Variants in CNTN5 observed in about 807,000 individuals in gnomAD.
The protein encoded by CNTN5 is contactin 5.
In CNTN5, 77 loss-of-function variants were observed where a neutral mutation model predicts 129.1. That is an observed-to-expected ratio of 0.60 (90% CI 0.50 to 0.72). CNTN5 has a LOEUF of 0.72. CNTN5 is among the 30% of genes least tolerant of loss of function. The pLI, the probability that CNTN5 is intolerant of heterozygous loss-of-function variation, is 0.00. For missense variants in CNTN5, 1,478 were observed against 1,328.8 expected, an observed-to-expected ratio of 1.11 and a Z score of -1.75; for synonymous variants, 509 against 465.6, an observed-to-expected ratio of 1.09 and a Z score of -1.20.
At chr11:99,536,961 G>A (rs1050301690) in intron 2 of CNTN5, among the ~76,000 whole-genome samples, 4 of 151,590 alleles carry the variant, frequency 2.6e-5, no homozygotes, top group Non-Finnish European at 2.9e-5. Context: ...TATTAAACTG[G>A]GATATTTTAC....
Position 100,103,732 on chromosome 11 carries a change from G to A in CNTN5, c.1580+29438G>A, listed in dbSNP as rs990626412. ...AATTACTTAAAGTTTACTTACCAGT[G>A]CCTGCAATGCTACAAGGGAACTGGA... is the stretch of plus-strand genomic sequence containing the variant. On this transcript the variant is annotated intron_variant, in intron 13 of 24. Transcript: ENST00000524871. 5.3e-5 allele frequency among the ~76,000 whole-genome samples: 8 copies of A among 152,252 alleles called. 1 individual carries two copies. In the Middle Eastern group the frequency reaches 0.014, roughly 259 times the overall value.
intron 7 of CNTN5, among the ~76,000 whole-genome samples, chr11:99,947,470 A>C (rs1950578205): frequency 6.6e-6 from 1 of 152,134 alleles, no homozygotes; most frequent in Non-Finnish European, 1.5e-5. Flanking sequence ...GCAACGTGAC[A>C]AATAAATTAC....
At chr11:99,151,855 C>G (rs557455949) in intron 1 of CNTN5, among the ~76,000 whole-genome samples, 2 of 151,846 alleles carry the variant, frequency 1.3e-5, no homozygotes, top group African/African-American at 4.8e-5. Context: ...GGGGACATCA[C>G]ACACCGGGGC....
intron 13 of CNTN5, among the ~76,000 whole-genome samples, chr11:100,170,247 C>G (rs1565310100): frequency 6.6e-6 from 1 of 151,960 alleles, no homozygotes; most frequent in African/African-American, 2.4e-5. Flanking sequence ...ATGGCATGCC[C>G]AAAAGCTTGT....
chr11:100,199,474 C>CCTAA (rs1274443279), intron 15 of CNTN5, among the ~76,000 whole-genome samples: 3 of 151,766 alleles, frequency 2.0e-5, no homozygotes, highest in Non-Finnish European at 4.4e-5. Flanking sequence ...CAATCTTTCA[C>CCTAA]CTAACTTAAA....
chr11:99,085,234 G>A (rs866523464), intron 1 of CNTN5, among the ~76,000 whole-genome samples: 3 of 146,854 alleles, frequency 2.0e-5, no homozygotes, highest in Admixed American at 7.0e-5. Flanking sequence ...TAGTAGAGAC[G>A]GGGTTTTACC....
chr11:99,984,095 C>G (rs779559224), intron 8 of CNTN5, among the ~76,000 whole-genome samples: 100 of 151,968 alleles, frequency 6.6e-4, no homozygotes, highest in Middle Eastern at 3.4e-3. Context: ...TGATGAAACC[C>G]CATTTCTACT....
intron 13 of CNTN5, among the ~76,000 whole-genome samples, chr11:100,157,727 A>G (rs1013913463): frequency 2.6e-5 from 4 of 151,882 alleles, no homozygotes. Flanking sequence ...GAATTTAAAT[A>G]AAATACTGAC....
chr11:99,049,081 G>A (rs1296187417), intron 1 of CNTN5, among the ~76,000 whole-genome samples: 1 of 152,118 alleles, frequency 6.6e-6, no homozygotes, highest in Non-Finnish European at 1.5e-5. Flanking sequence ...GTTCTAAGTA[G>A]TAAAACATAT....
intron 6 of CNTN5, among the ~76,000 whole-genome samples, chr11:99,855,254 G>A (rs1168420427): frequency 6.6e-6 from 1 of 152,084 alleles, no homozygotes; most frequent in Non-Finnish European, 1.5e-5. Flanking sequence ...GGTGAGCTAT[G>A]ATCACTCTAC....
intron 16 of CNTN5, among the ~76,000 whole-genome samples, chr11:100,248,784 T>C (rs1351105888): frequency 2.6e-5 from 4 of 152,164 alleles, no homozygotes; most frequent in Admixed American, 2.0e-4. Context: ...GAAGCACTCC[T>C]CATGAAGGAC....
chr11:99,127,498 C>G (rs1245703164), intron 1 of CNTN5, among the ~76,000 whole-genome samples: 3 of 152,174 alleles, frequency 2.0e-5, no homozygotes, highest in Admixed American at 1.3e-4. Context: ...AACCCCTTCT[C>G]TTGCTCCCCA....
At chr11:99,240,438 T>C (rs1861488762) in intron 1 of CNTN5, among the ~76,000 whole-genome samples, 1 of 152,186 alleles carries the variant, frequency 6.6e-6, no homozygotes, top group African/African-American at 2.4e-5. Context: ...CAAGCTGCTC[T>C]TGGCCACAGA....
chr11:99,823,643 C>T (rs1393180099), intron 4 of CNTN5, among the ~76,000 whole-genome samples: 1 of 151,964 alleles, frequency 6.6e-6, no homozygotes, highest in Admixed American at 6.6e-5. Flanking sequence ...ATATTGAAAA[C>T]ATAAAGGAAA....
At chr11:99,997,436 T>G (rs556130560) in intron 8 of CNTN5, among the ~76,000 whole-genome samples, 1 of 152,026 alleles carries the variant, frequency 6.6e-6, no homozygotes, top group African/African-American at 2.4e-5. Context: ...ACACATACAC[T>G]CTCCCAAGAC....
chr11:99,907,273 A>G (rs1365633122), intron 6 of CNTN5, among the ~76,000 whole-genome samples: 1 of 151,806 alleles, frequency 6.6e-6, no homozygotes, highest in African/African-American at 2.4e-5. Flanking sequence ...ATATTGATAG[A>G]AATAAATTTG....
At chr11:99,534,606 A>G (rs1591235994) in intron 2 of CNTN5, among the ~76,000 whole-genome samples, 1 of 152,180 alleles carries the variant, frequency 6.6e-6, no homozygotes, top group South Asian at 2.1e-4. Flanking sequence ...GTGTTGGTGT[A>G]TTTAGAGAAT....
intron 1 of CNTN5, among the ~76,000 whole-genome samples, chr11:99,266,855 G>T (rs1862924699): frequency 6.6e-6 from 1 of 152,004 alleles, no homozygotes. Context: ...AGCAGAGACA[G>T]ATAAGTATGC....
intron 7 of CNTN5, among the ~76,000 whole-genome samples, chr11:99,937,041 T>C (rs1950331358): frequency 1.3e-5 from 2 of 152,158 alleles, no homozygotes. Flanking sequence ...TTTATTCTCC[T>C]GCTAAAAACA....
Sources: allele counts gnomAD v4.1 joint callset (sites outside exome capture counted in the v4.1 genomes callset), GRCh38; gene constraint gnomAD v4.1.1; transcripts MANE v1.5; gene names NCBI Gene and HGNC (gene_info 2026-07-23, HGNC 2026-07-21).